USP24: variants seen among roughly 807,000 people sequenced by gnomAD.
USP24 encodes ubiquitin specific peptidase 24.
USP24 carries 97 observed loss-of-function variants against 361.6 expected under a neutral mutation model. That is an observed-to-expected ratio of 0.27 (90% CI 0.23 to 0.32). The LOEUF (loss-of-function observed/expected upper bound fraction) is 0.32, where lower values mean the gene tolerates loss of function less well. Ranked by LOEUF, USP24 falls within the 10% of genes least tolerant of loss-of-function variation. USP24 has a pLI of 1.00. For synonymous variants in USP24, 1,098 were observed against 1,124.6 expected (o/e 0.98, Z 0.47); for missense variants, 2,353 against 3,165.6 (o/e 0.74, Z 6.16).
intron 27 of USP24, 58 bp from the exon 28 acceptor site, chr1:55,137,746 C>T (rs1051942660): frequency 1.3e-6 from 2 of 1,559,788 alleles, no homozygotes; most frequent in Non-Finnish European, 1.7e-6. Context: ...TTATTCATAT[C>T]AGGCTAAATA....
rs79332653 is a variant in USP24, at chr1:55,138,565, T to G, written c.2928+43A>C. 4.6e-4 allele frequency: 642 copies of G among 1,407,208 alleles called. 10 individuals carry two copies. The East Asian group carries it at 0.015, about 32-fold the overall frequency. The allele number at this position is 1,407,208 out of a possible 1,614,324, so 87.2% of individuals were successfully genotyped here. A position where few individuals can be genotyped will look rare whatever the true frequency, so the allele number is the denominator to read the frequency against. On this transcript the variant is annotated intron_variant, in intron 26 of 67. Coordinates refer to ENST00000294383, the MANE Select transcript of USP24 (RefSeq NM_015306.3). Reference sequence around the variant, plus strand: ...AATCAAGACTGCTTTATGAAAATAATAAGACAACATGAAAATGGCTGTAGT... The same window carrying G: ...AATCAAGACTGCTTTATGAAAATAAGAAGACAACATGAAAATGGCTGTAGT...
At chr1:55,206,673 A>AG (rs1644714175) in intron 1 of USP24, among the ~76,000 whole-genome samples, 1 of 148,978 alleles carries the variant, frequency 6.7e-6, no homozygotes, top group Non-Finnish European at 1.5e-5. Flanking sequence ...AAAAAAAAAA[A>AG]GGGTCGGGGG....
intron 32 of USP24, 91 bp downstream of exon 32, chr1:55,129,386 G>T: frequency 2.0e-6 from 2 of 994,832 alleles, no homozygotes; most frequent in Non-Finnish European, 3.1e-6. Context: ...ATGATACCTT[G>T]TAGGAATAAG....
At chr1:55,197,005 T>G (rs796451398) in intron 1 of USP24, among the ~76,000 whole-genome samples, 18 of 152,372 alleles carry the variant, frequency 1.2e-4, no homozygotes, top group African/African-American at 4.3e-4. Flanking sequence ...CTTATTTCCT[T>G]ACATATAGCA....
chr1:55,206,679 G>A (rs1048105543), intron 1 of USP24, among the ~76,000 whole-genome samples: 12 of 146,006 alleles, frequency 8.2e-5, no homozygotes, highest in African/African-American at 2.2e-4. Context: ...AAAAAGGGTC[G>A]GGGGGGCATG....
At chr1:55,115,876 A>G (rs551046686) in intron 38 of USP24, among the ~76,000 whole-genome samples, 2 of 152,370 alleles carry the variant, frequency 1.3e-5, no homozygotes, top group African/African-American at 4.8e-5. Flanking sequence ...AGGGACACAG[A>G]TGAAGCTGGA....
intron 44 of USP24, among the ~76,000 whole-genome samples, 195 bp from the exon 45 acceptor site, chr1:55,100,064 G>A (rs1250567187): frequency 6.6e-6 from 1 of 152,130 alleles, no homozygotes; most frequent in Non-Finnish European, 1.5e-5. Flanking sequence ...ATCATAACAA[G>A]TCTCTGAAAT....
At chr1:55,074,016 G>T in intron 63 of USP24, 110 bp from the exon 64 acceptor site, 1 of 705,576 alleles carries the variant, frequency 1.4e-6, no homozygotes, top group Non-Finnish European at 2.2e-6. Flanking sequence ...TTAATAAACA[G>T]ATAAGGAACA....
intron 1 of USP24, among the ~76,000 whole-genome samples, chr1:55,194,686 T>TCC (rs1644372390): frequency 6.6e-6 from 1 of 152,090 alleles, no homozygotes; most frequent in East Asian, 1.9e-4. Flanking sequence ...TCTCTCTCTC[T>TCC]CTATGCTAGA....
At chr1:55,209,371 AAC>A (rs1323168102) in intron 1 of USP24, among the ~76,000 whole-genome samples, 11 of 152,188 alleles carry the variant, frequency 7.2e-5, no homozygotes. Context: ...CATCATTGAA[AAC>A]ACAGTTATCC....
intron 50 of USP24, among the ~76,000 whole-genome samples, chr1:55,096,126 G>A (rs561731370): frequency 8.5e-5 from 13 of 152,132 alleles, no homozygotes; most frequent in Non-Finnish European, 1.8e-4. Flanking sequence ...TCTCTAATTA[G>A]TCACACCTCT....
chr1:55,166,658 C>T (rs1648897827), intron 5 of USP24, 55 bp from the exon 6 acceptor site: 48 of 1,420,726 alleles, frequency 3.4e-5, no homozygotes, highest in Non-Finnish European at 4.4e-5. Context: ...TCCCCATTAA[C>T]CCTTACATTT....
At chr1:55,079,458 T>C in intron 60 of USP24, 80 bp downstream of exon 60, 2 of 1,514,644 alleles carry the variant, frequency 1.3e-6, no homozygotes, top group Admixed American at 2.5e-5. Flanking sequence ...ATACTCTTCA[T>C]GCCAAACATA....
chr1:55,137,164 G>A lies in USP24; in HGVS notation c.3201+351C>T, dbSNP rs948787588. Among the ~76,000 whole-genome samples the A allele has an allele frequency of 5.2e-4, 79 of 152,308 alleles. 1 individual carries two copies. The highest frequency in any genetic ancestry group is 1.7e-3 in the African/African-American group (71 of 41,578). On this transcript the variant is annotated intron_variant, in intron 28 of 67. Coordinates refer to ENST00000294383, the MANE Select transcript of USP24 (RefSeq NM_015306.3). The stretch of plus-strand genomic sequence containing the variant: ...TGTTCCAAGGGGGAAGCGATCACAC[G>A]TATCAGCTTCAATGAAATGTCAAGA...
chr1:55,156,158 G>A (rs1242312225), intron 12 of USP24, among the ~76,000 whole-genome samples: 1 of 152,088 alleles, frequency 6.6e-6, no homozygotes, highest in Non-Finnish European at 1.5e-5. Context: ...AAATAGACTG[G>A]AGAATGACCA....
At position 55,097,487 on chromosome 1, in the gene USP24, A is replaced by G. The variant is rs554083495; in HGVS notation, c.5715+111T>C. Reference sequence around the variant, plus strand: ...AGATAAGGGGCTCTTCATAATGCTGAGACAACAGCCTTAACATGGTAGACA... The same window carrying G: ...AGATAAGGGGCTCTTCATAATGCTGGGACAACAGCCTTAACATGGTAGACA... On this transcript the variant is annotated intron_variant, in intron 48 of 67. Coordinates refer to ENST00000294383, the MANE Select transcript of USP24 (RefSeq NM_015306.3). 189 of 1,426,288 alleles carry G rather than the reference A, an allele frequency of 1.3e-4. 1 individual carries two copies. The Admixed American group carries it at 1.7e-3, about 12-fold the overall frequency. 88.4% of individuals were successfully genotyped at this position (1,426,288 alleles called of 1,614,324 possible).
In USP24 at chr1:55,215,046, A is replaced by G; in HGVS notation, c.68T>C (p.Ile23Thr). Residue 23 changes from isoleucine (I) to threonine (T), a missense_variant, in exon 1 of 68, where the codon ATC becomes ACC. By Grantham distance (89) the Ile-to-Thr change is moderately conservative (BLOSUM62 -1). Coordinates refer to ENST00000294383, the MANE Select transcript of USP24 (RefSeq NM_015306.3). ...CTTGGCCAGGCGCAGGGCCTTGCGGATGGTGGCGGGGTCTGAGAAGCCCAT... is the reference window on the plus strand; with the variant it reads ...CTTGGCCAGGCGCAGGGCCTTGCGGGTGGTGGCGGGGTCTGAGAAGCCCAT... ...LCMGFSDPAT[I>T]RKALRLAKND... The G allele has an allele frequency of 6.8e-7, 1 of 1,468,904 alleles. No individual in the cohort carries two copies. The highest frequency in any genetic ancestry group is 2.1e-5 in the Admixed American group (1 of 46,826). The allele number at this position is 1,468,904 out of a possible 1,614,324, so 91.0% of individuals were successfully genotyped here. A position where few individuals can be genotyped will look rare whatever the true frequency, so the allele number is the denominator to read the frequency against.
intron 38 of USP24, 35 bp from the exon 39 acceptor site, chr1:55,110,281 G>A (rs751781428): frequency 1.4e-6 from 2 of 1,460,102 alleles, no homozygotes; most frequent in East Asian, 2.6e-5. Flanking sequence ...ACTAATAAGA[G>A]GCTGATTTGA....
intron 5 of USP24, among the ~76,000 whole-genome samples, chr1:55,167,667 G>T (rs1344168928): frequency 6.6e-6 from 1 of 152,142 alleles, no homozygotes; most frequent in Non-Finnish European, 1.5e-5. Flanking sequence ...AGCTGTGTGT[G>T]GAGAAGGATG....
Sources: allele counts gnomAD v4.1 joint callset (sites outside exome capture counted in the v4.1 genomes callset), GRCh38; gene constraint gnomAD v4.1.1; transcripts MANE v1.5; gene names NCBI Gene and HGNC (gene_info 2026-07-23, HGNC 2026-07-21).